Variants in PTPRD observed in about 807,000 individuals in gnomAD.
PTPRD encodes the protein receptor-type tyrosine-protein phosphatase delta.
PTPRD carries 34 observed loss-of-function variants against 214.5 expected under a neutral mutation model. The ratio of observed to expected loss-of-function variants is 0.16; its 90% CI spans 0.12 to 0.21. The LOEUF (loss-of-function observed/expected upper bound fraction) is 0.21. Among genes scored for constraint, PTPRD ranks in the 10% least tolerant of loss-of-function variants. PTPRD has a pLI of 1.00. For missense variants in PTPRD, 2,545 were observed against 2,398.7 expected (o/e 1.06, Z -1.27); for synonymous variants, 1,128 against 845.7 (o/e 1.33, Z -5.79).
intron 7 of PTPRD, among the ~76,000 whole-genome samples, chr9:9,612,687 G>A (rs967998779): frequency 1.3e-5 from 2 of 151,382 alleles, no homozygotes; most frequent in African/African-American, 4.9e-5. Context: ...TGAAAAAAAA[G>A]GAATATAAGA....
At chr9:10,207,262 A>AT (rs35819532) in intron 3 of PTPRD, among the ~76,000 whole-genome samples, 8 of 151,752 alleles carry the variant, frequency 5.3e-5, no homozygotes, top group African/African-American at 9.7e-5. Flanking sequence ...TAGATAATGC[A>AT]TTTTTTTGTC....
chr9:9,439,103 G>A (rs1162739166), intron 8 of PTPRD, among the ~76,000 whole-genome samples: 2 of 151,910 alleles, frequency 1.3e-5, no homozygotes, highest in Admixed American at 6.6e-5. Flanking sequence ...AATTCATAAA[G>A]TAGTATAAAG....
chr9:8,975,507 T>C (rs2099263378), intron 11 of PTPRD, among the ~76,000 whole-genome samples: 1 of 152,016 alleles, frequency 6.6e-6, no homozygotes, highest in South Asian at 2.1e-4. Context: ...ATAGTAAAAA[T>C]ATTCAAAATG....
chr9:9,182,950 C>A lies in PTPRD; in HGVS notation c.-143+354G>T, dbSNP rs191222318. Among the ~76,000 whole-genome samples, 38 of 152,028 alleles carry A rather than the reference C, an allele frequency of 2.5e-4. 1 individual carries two copies. The highest frequency in any genetic ancestry group is 2.5e-3 in the Admixed American group (38 of 15,218). On this transcript the variant is annotated intron_variant, in intron 10 of 45. Transcript: ENST00000381196. ...AGGGCTAATAATTTCATAGCAGCAG[C>A]AGCTAAATTCAATCAACATTTAAAT... is the stretch of plus-strand genomic sequence containing the variant.
At chr9:9,959,565 A>G (rs1044567158) in intron 4 of PTPRD, among the ~76,000 whole-genome samples, 1 of 152,188 alleles carries the variant, frequency 6.6e-6, no homozygotes, top group African/African-American at 2.4e-5. Flanking sequence ...TCTTCCTACG[A>G]CAAATATATG....
intron 11 of PTPRD, among the ~76,000 whole-genome samples, chr9:8,735,521 G>T (rs539814263): frequency 1.3e-5 from 2 of 152,158 alleles, no homozygotes; most frequent in Non-Finnish European, 2.9e-5. Flanking sequence ...GGGTGATGCT[G>T]ATGCTGCCAG....
rs1200382705 is a variant in PTPRD at position 10,530,862 on chromosome 9, C to G, written c.-600+81536G>C. Reference sequence around the variant, plus strand: ...TCATCCTCACAGCAGACTACCACTGCTAAATGTAGAAGATATTAGAAAAAT... The same window carrying G: ...TCATCCTCACAGCAGACTACCACTGGTAAATGTAGAAGATATTAGAAAAAT... On this transcript the variant is annotated intron_variant, in intron 2 of 45. Transcript: ENST00000381196. 2.6e-5 allele frequency among the ~76,000 whole-genome samples: 4 copies of G among 152,120 alleles called. No homozygotes were observed. The East Asian group carries it at 7.7e-4, about 29-fold the overall frequency.
At chr9:10,017,302 T>TA (rs2096740213) in intron 4 of PTPRD, among the ~76,000 whole-genome samples, 2 of 152,180 alleles carry the variant, frequency 1.3e-5, no homozygotes, top group African/African-American at 2.4e-5. Flanking sequence ...TCTTTTTTTT[T>TA]ATCAATGTTC....
At chr9:9,152,447 G>A (rs1454426249) in intron 10 of PTPRD, among the ~76,000 whole-genome samples, 1 of 152,054 alleles carries the variant, frequency 6.6e-6, no homozygotes, top group Non-Finnish European at 1.5e-5. Flanking sequence ...GTCTCAAGGG[G>A]GAAATTATGA....
intron 8 of PTPRD, among the ~76,000 whole-genome samples, chr9:9,528,469 G>A (rs985542456): frequency 3.9e-5 from 6 of 152,058 alleles, no homozygotes; most frequent in African/African-American, 7.2e-5. Context: ...TAAAAAAAAA[G>A]ATTGATAACA....
chr9:9,044,964 A>G (rs2099667554), intron 10 of PTPRD, among the ~76,000 whole-genome samples: 1 of 152,188 alleles, frequency 6.6e-6, no homozygotes, highest in Non-Finnish European at 1.5e-5. Context: ...TGCTTATAAA[A>G]CAGAATCAAG....
chr9:8,757,921 T>C (rs534980025), intron 11 of PTPRD, among the ~76,000 whole-genome samples: 6 of 152,322 alleles, frequency 3.9e-5, no homozygotes, highest in African/African-American at 1.4e-4. Flanking sequence ...ATTCATTTTA[T>C]AATTTGAAAT....
intron 8 of PTPRD, among the ~76,000 whole-genome samples, chr9:9,497,753 C>A (rs549073456): frequency 6.6e-6 from 1 of 152,106 alleles, no homozygotes; most frequent in South Asian, 2.1e-4. Flanking sequence ...AGTCACATAG[C>A]CAGCTCAATA....
intron 8 of PTPRD, among the ~76,000 whole-genome samples, chr9:9,454,991 T>C (rs12237818): frequency 0.5 from 75,542 of 151,492 alleles, 19,325 homozygotes; most frequent in East Asian, 0.68. Flanking sequence ...CACAGATTTA[T>C]TCTATTTCCA....
intron 8 of PTPRD, among the ~76,000 whole-genome samples, chr9:9,543,358 G>A (rs1248776550): frequency 6.6e-6 from 1 of 151,574 alleles, no homozygotes; most frequent in African/African-American, 2.4e-5. Context: ...GGATGCAAAT[G>A]TTCTATAATT....
intron 36 of PTPRD, among the ~76,000 whole-genome samples, chr9:8,401,311 C>T (rs907284448): frequency 6.6e-6 from 1 of 152,042 alleles, no homozygotes; most frequent in Non-Finnish European, 1.5e-5. Context: ...ACTACAGGCA[C>T]GTACCATCAT....
At chr9:8,643,969 T>C (rs1411377268) in intron 12 of PTPRD, among the ~76,000 whole-genome samples, 1 of 152,092 alleles carries the variant, frequency 6.6e-6, no homozygotes, top group Non-Finnish European at 1.5e-5. Flanking sequence ...CAGACCATAG[T>C]GGGAACTGGT....
At chr9:9,897,281 G>T (rs781258384) in intron 5 of PTPRD, among the ~76,000 whole-genome samples, 2 of 151,940 alleles carry the variant, frequency 1.3e-5, no homozygotes, top group Non-Finnish European at 2.9e-5. Flanking sequence ...AGTTGACTCT[G>T]ACTTACTAAT....
intron 3 of PTPRD, among the ~76,000 whole-genome samples, chr9:10,281,989 T>TAA (rs201333767): frequency 2.9e-5 from 4 of 138,710 alleles, no homozygotes; most frequent in South Asian, 4.4e-4. Context: ...GTTAAAATAA[T>TAA]AAAAAAAAAA....
Sources: gnomAD v4.1 joint callset for allele counts (sites outside exome capture counted in the v4.1 genomes callset) on GRCh38, gnomAD v4.1.1 for gene constraint, MANE v1.5 for transcripts, NCBI Gene and HGNC (gene_info 2026-07-23, HGNC 2026-07-21) for gene names.